HEPACAM2: variants seen among roughly 807,000 people sequenced by gnomAD.
HEPACAM2 encodes the protein HEPACAM family member 2.
HEPACAM2 carries 49 observed loss-of-function variants against 49.6 expected under a neutral mutation model. That is an observed-to-expected ratio of 0.99 (90% CI 0.78 to 1.25). The LOEUF is 1.25. Ranked by LOEUF, HEPACAM2 falls within the 50% of genes most tolerant of loss-of-function variation. The pLI is 0.00. For missense variants in HEPACAM2, 525 were observed against 557.2 expected (o/e 0.94, Z 0.58); for synonymous variants, 197 against 202.9 (o/e 0.97, Z 0.25).
chr7:93,217,475 G>C (rs1278485762), intron 2 of HEPACAM2, among the ~76,000 whole-genome samples: 1 of 152,176 alleles, frequency 6.6e-6, no homozygotes, highest in Non-Finnish European at 1.5e-5. Context: ...TATTAGGAGG[G>C]AGACAGGACA....
chr7:93,214,886 T>G (rs930409253), intron 3 of HEPACAM2, among the ~76,000 whole-genome samples: 1 of 152,310 alleles, frequency 6.6e-6, no homozygotes, highest in Non-Finnish European at 1.5e-5. Flanking sequence ...CCCAGGACTT[T>G]TTCATTTAAA....
chr7:93,215,810 C>T (rs1486382164), intron 2 of HEPACAM2, 125 bp from the exon 3 acceptor site: 1 of 900,948 alleles, frequency 1.1e-6, no homozygotes, highest in Non-Finnish European at 1.6e-6. Flanking sequence ...TAAATGTAGA[C>T]AGCTCAGGTA....
intron 3 of HEPACAM2, among the ~76,000 whole-genome samples, chr7:93,215,083 C>T (rs77974330): frequency 0.016 from 2,445 of 152,160 alleles, 31 homozygotes; most frequent in Middle Eastern, 0.027. Flanking sequence ...TTCATTGCAG[C>T]CTCTGCATTG....
At chr7:93,191,937 C>T (rs1275811909) in intron 9 of HEPACAM2, among the ~76,000 whole-genome samples, 2 of 152,062 alleles carry the variant, frequency 1.3e-5, no homozygotes, top group African/African-American at 2.4e-5. Flanking sequence ...ACAGAATTAG[C>T]CTGAACATTC....
At chr7:93,219,618 C>T (rs1794406197) in intron 1 of HEPACAM2, 167 bp from the exon 2 acceptor site, 1 of 1,266,574 alleles carries the variant, frequency 7.9e-7, no homozygotes, top group African/African-American at 1.5e-5. Flanking sequence ...ATATTTGTCC[C>T]TGAAACCTTC....
chr7:93,219,569 G>C (rs1055160459), intron 1 of HEPACAM2, 118 bp from the exon 2 acceptor site: 2 of 1,532,732 alleles, frequency 1.3e-6, no homozygotes, highest in Non-Finnish European at 1.7e-6. Flanking sequence ...GTGGCTTCTA[G>C]GTACTGACTA....
At chr7:93,225,615 A>T (rs1262487912) in intron 1 of HEPACAM2, among the ~76,000 whole-genome samples, 1 of 152,174 alleles carries the variant, frequency 6.6e-6, no homozygotes, top group Admixed American at 6.5e-5. Flanking sequence ...AATTGATTTG[A>T]CTTTTAAAAC....
At chr7:93,201,798 G>A (rs148884578) in intron 4 of HEPACAM2, among the ~76,000 whole-genome samples, 1 of 152,058 alleles carries the variant, frequency 6.6e-6, no homozygotes, top group Admixed American at 6.6e-5. Flanking sequence ...CTCCCCCTGA[G>A]AATCCTCTTC....
chr7:93,230,325 T>C (rs1461322255), upstream of HEPACAM2, among the ~76,000 whole-genome samples: 2 of 152,144 alleles, frequency 1.3e-5, no homozygotes, highest in African/African-American at 4.8e-5. Context: ...TACAGATACG[T>C]TTTCTCATCT....
chr7:93,207,170 A>G (rs1222269670), intron 4 of HEPACAM2, among the ~76,000 whole-genome samples: 2 of 152,160 alleles, frequency 1.3e-5, no homozygotes, highest in African/African-American at 4.8e-5. Flanking sequence ...CTTATTCAAC[A>G]AAACATATTG....
upstream of HEPACAM2, among the ~76,000 whole-genome samples, chr7:93,226,870 A>G (rs1794550933): frequency 6.6e-6 from 1 of 152,184 alleles, no homozygotes. Flanking sequence ...AAATTATATG[A>G]AAATTGAAGT....
intron 4 of HEPACAM2, among the ~76,000 whole-genome samples, chr7:93,202,856 A>G (rs764299595): frequency 1.3e-5 from 2 of 152,110 alleles, no homozygotes; most frequent in Non-Finnish European, 2.9e-5. Flanking sequence ...CTTAATATAC[A>G]ATGACTGGAT....
At chr7:93,198,447 CTT>C (rs1213649594) in intron 4 of HEPACAM2, among the ~76,000 whole-genome samples, 1 of 152,100 alleles carries the variant, frequency 6.6e-6, no homozygotes, top group African/African-American at 2.4e-5. Flanking sequence ...ACCCCAGACT[CTT>C]AACACTTAAT....
chr7:93,195,801 G>A (rs376723300), intron 8 of HEPACAM2, 27 bp downstream of exon 8: 60 of 1,560,118 alleles, frequency 3.8e-5, no homozygotes, highest in African/African-American at 2.4e-4. Context: ...TCTACTTCTC[G>A]GTTAATCAGC....
chr7:93,218,445 G>A (rs989372961), intron 2 of HEPACAM2, among the ~76,000 whole-genome samples: 2 of 152,004 alleles, frequency 1.3e-5, no homozygotes, highest in African/African-American at 2.4e-5. Flanking sequence ...AAAAAGAGGA[G>A]GTCAACGGTG....
chr7:93,230,520 G>A (rs1324262612), upstream of HEPACAM2, among the ~76,000 whole-genome samples: 1 of 152,214 alleles, frequency 6.6e-6, no homozygotes, highest in Non-Finnish European at 1.5e-5. Flanking sequence ...AAACCCAGTT[G>A]TGAACTCCTT....
intron 9 of HEPACAM2, 136 bp downstream of exon 9, chr7:93,192,118 A>C (rs1793564884): frequency 3.6e-6 from 2 of 562,044 alleles, no homozygotes; most frequent in Admixed American, 6.8e-5. Context: ...CAGGTGGGGA[A>C]GTGTGTTCAA....
Position 93,219,336 on chromosome 7 carries a change from C to T in HEPACAM2, c.195G>A (p.Gln65=). Residue 65 remains glutamine (Q), a synonymous_variant, in exon 2 of 10, where the codon CAG becomes CAA. Coordinates refer to ENST00000394468, the MANE Select transcript of HEPACAM2 (RefSeq NM_001039372.4). ...YGFHTPASDI[Q]IIWLFERPHT... ...GGGGTCTCTCAAATAGCCATATGAT[C>T]TGGATGTCTGATGCTGGAGTGTGGA... is the stretch of plus-strand genomic sequence containing the variant. 6.2e-7 allele frequency: 1 copy of T among 1,613,972 alleles called. No individual in the cohort carries two copies. Among genetic ancestry groups the T allele is most frequent in the Non-Finnish European group, 8.5e-7 (1 of 1,179,946 alleles).
At chr7:93,192,801 C>T (rs1793589710) in intron 8 of HEPACAM2, among the ~76,000 whole-genome samples, 1 of 151,854 alleles carries the variant, frequency 6.6e-6, no homozygotes, top group African/African-American at 2.4e-5. Context: ...ATATACAGCC[C>T]AAATCCCTCA....
Sources: allele counts gnomAD v4.1 joint callset (sites outside exome capture counted in the v4.1 genomes callset), GRCh38; gene constraint gnomAD v4.1.1; transcripts MANE v1.5; gene names NCBI Gene and HGNC (gene_info 2026-07-23, HGNC 2026-07-21).